Variants in CACNA1A observed in about 807,000 individuals in gnomAD.
The protein encoded by CACNA1A is voltage-dependent P/Q-type calcium channel subunit alpha-1A.
Under a neutral mutation model 262.4 loss-of-function variants are expected in CACNA1A, and 57 were observed. The observed-to-expected ratio is 0.22, with a 90% CI of 0.18 to 0.27. CACNA1A has a LOEUF of 0.27. Ranked by LOEUF, CACNA1A falls within the 10% of genes least tolerant of loss-of-function variation. CACNA1A has a pLI of 1.00. For missense variants in CACNA1A, 2,526 were observed against 3,562.8 expected (o/e 0.71, Z 7.41); for synonymous variants, 1,431 against 1,419.3 (o/e 1.01, Z -0.18).
intron 10 of CACNA1A, among the ~76,000 whole-genome samples, chr19:13,317,822 T>C (rs979375050): frequency 4.6e-5 from 7 of 152,246 alleles, no homozygotes; most frequent in Non-Finnish European, 5.9e-5. Flanking sequence ...TTTGCTCTTA[T>C]GCATTTATTG....
intron 1 of CACNA1A, among the ~76,000 whole-genome samples, chr19:13,483,657 A>G (rs554076223): frequency 6.6e-6 from 1 of 152,312 alleles, no homozygotes; most frequent in African/African-American, 2.4e-5. Context: ...CAGCTAAGTC[A>G]TGGATAATGG....
intron 6 of CACNA1A, among the ~76,000 whole-genome samples, chr19:13,342,719 T>C (rs533912933): frequency 6.6e-6 from 1 of 152,286 alleles, no homozygotes; most frequent in Admixed American, 6.5e-5. Context: ...TTTTTCCTTC[T>C]GGAATAGCAA....
chr19:13,332,248 A>G (rs2058480302), intron 9 of CACNA1A, among the ~76,000 whole-genome samples: 1 of 152,130 alleles, frequency 6.6e-6, no homozygotes, highest in South Asian at 2.1e-4. Context: ...CAACAATATA[A>G]AAATTAGCCA....
intron 10 of CACNA1A, among the ~76,000 whole-genome samples, chr19:13,325,179 C>T (rs8101939): frequency 0.021 from 2,929 of 138,664 alleles, 117 homozygotes; most frequent in African/African-American, 0.079. Context: ...TTCTTTCCTC[C>T]TCTTCTTCTT....
intron 3 of CACNA1A, among the ~76,000 whole-genome samples, chr19:13,426,986 CATTAGCATGCAGGCA>C (rs2060413031): frequency 1.3e-5 from 2 of 152,186 alleles, no homozygotes; most frequent in Admixed American, 1.3e-4. Flanking sequence ...CATTGTGTTG[CATTAGCATGCAGGCA>C]ACAATGCCTA....
At chr19:13,228,601 G>GAT (rs1311855552) in intron 36 of CACNA1A, 195 of 226,184 alleles carry the variant, frequency 8.6e-4, no homozygotes, top group African/African-American at 3.1e-3. Context: ...TAGAGAGAGA[G>GAT]AGAGATATAT....
At chr19:13,280,344 T>G (rs1417097267) in intron 22 of CACNA1A, among the ~76,000 whole-genome samples, 1 of 145,688 alleles carries the variant, frequency 6.9e-6, no homozygotes. Flanking sequence ...CTCGGTTAAT[T>G]AAAAAAAAAA....
At chr19:13,247,051 C>T (rs1481725528) in intron 30 of CACNA1A, among the ~76,000 whole-genome samples, 5 of 152,222 alleles carry the variant, frequency 3.3e-5, no homozygotes, top group Admixed American at 1.3e-4. Flanking sequence ...ATGGGTGGCA[C>T]CCCAGTTTGG....
At chr19:13,431,571 C>G (rs12974153) in intron 3 of CACNA1A, among the ~76,000 whole-genome samples, 1 of 152,014 alleles carries the variant, frequency 6.6e-6, no homozygotes, top group African/African-American at 2.4e-5. Context: ...CAGCTGCACA[C>G]CCATGTTCAT....
At chr19:13,427,451 T>C (rs2060422662) in intron 3 of CACNA1A, among the ~76,000 whole-genome samples, 1 of 71,564 alleles carries the variant, frequency 1.4e-5, no homozygotes, top group Non-Finnish European at 2.9e-5. Flanking sequence ...AAACTCCATC[T>C]CAAAATAAAT....
intron 1 of CACNA1A, among the ~76,000 whole-genome samples, chr19:13,468,818 C>G (rs1244899411): frequency 6.6e-6 from 1 of 152,044 alleles, no homozygotes; most frequent in Non-Finnish European, 1.5e-5. Context: ...AAACCTTTAA[C>G]CTGGAAATTC....
rs1013352019 is a variant in CACNA1A at position 13,307,999 on chromosome 19, T to C, written c.1913+121A>G. The C allele has an allele frequency of 1.3e-5, 19 of 1,431,084 alleles. No individual in the cohort carries two copies. In the African/African-American group the frequency reaches 2.4e-4, roughly 18 times the overall value. 88.6% of individuals were successfully genotyped at this position (1,431,084 alleles called of 1,614,324 possible). On this transcript the variant is annotated intron_variant, in intron 14 of 46. Transcript: ENST00000360228. ...GAGTGGTACCCAGGGCCCTGCCCATTTGGGTGACCGCAATGGGTGTCTGGG... is the reference window on the plus strand; with the variant it reads ...GAGTGGTACCCAGGGCCCTGCCCATCTGGGTGACCGCAATGGGTGTCTGGG...
At chr19:13,353,294 TTTTTG>T (rs901702383) in intron 6 of CACNA1A, among the ~76,000 whole-genome samples, 3 of 133,932 alleles carry the variant, frequency 2.2e-5, no homozygotes, top group African/African-American at 8.3e-5. Context: ...GATTTTTGTA[TTTTTG>T]TTTTTTTTTT....
chr19:13,363,718 C>A (rs1001321771), intron 5 of CACNA1A: 3 of 152,080 alleles, frequency 2.0e-5, no homozygotes, highest in African/African-American at 7.2e-5. Flanking sequence ...AAATAAGGGG[C>A]CTGAAACCTC....
At chr19:13,255,402 G>T in intron 28 of CACNA1A, 143 bp from the exon 29 acceptor site, 1 of 714,894 alleles carries the variant, frequency 1.4e-6, no homozygotes, top group Non-Finnish European at 2.2e-6. Context: ...AGGATTCCTG[G>T]GCTCTCTCTT....
At chr19:13,455,253 A>T (rs979022312) in intron 1 of CACNA1A, 41 bp from the exon 2 acceptor site, 1 of 1,262,668 alleles carries the variant, frequency 7.9e-7, no homozygotes, top group South Asian at 1.2e-5. Flanking sequence ...AAAGAAAAGA[A>T]GGGTGTTGGA....
chr19:13,317,049 G>A (rs2058141782), intron 11 of CACNA1A, 63 bp downstream of exon 11: 1 of 1,059,848 alleles, frequency 9.4e-7, no homozygotes, highest in South Asian at 1.4e-5. Context: ...AGAAAGAGAA[G>A]TGGAAAAAGG....
At chr19:13,285,025 G>A (rs1041809687) in intron 21 of CACNA1A, 43 bp downstream of exon 21, 2 of 1,611,246 alleles carry the variant, frequency 1.2e-6, no homozygotes, top group Admixed American at 1.7e-5. Flanking sequence ...CACCCTGGTG[G>A]GAGCCCCAGG....
intron 3 of CACNA1A, among the ~76,000 whole-genome samples, chr19:13,389,293 T>C (rs2059672636): frequency 6.6e-6 from 1 of 152,214 alleles, no homozygotes; most frequent in African/African-American, 2.4e-5. Context: ...TGGGTGCCGC[T>C]GTCACATGCC....
Sources: gnomAD v4.1 joint callset for allele counts (sites outside exome capture counted in the v4.1 genomes callset) on GRCh38, gnomAD v4.1.1 for gene constraint, MANE v1.5 for transcripts, NCBI Gene and HGNC (gene_info 2026-07-23, HGNC 2026-07-21) for gene names.